GSE1: variants seen among roughly 807,000 people sequenced by gnomAD.
The protein encoded by GSE1 is genetic suppressor element 1.
GSE1 carries 32 observed loss-of-function variants against 112.6 expected under a neutral mutation model. The ratio of observed to expected loss-of-function variants is 0.28; its 90% confidence interval spans 0.21 to 0.38. The LOEUF (loss-of-function observed/expected upper bound fraction) is 0.38. Ranked by LOEUF, GSE1 falls within the 10% of genes least tolerant of loss-of-function variation. The pLI is 1.00. For synonymous variants in GSE1, 1,115 were observed against 735.6 expected (o/e 1.52, Z -8.35); for missense variants, 2,348 against 1,699.2 (o/e 1.38, Z -6.71).
In GSE1 at chr16:85,577,853, C is replaced by A. The variant is rs74870167; in HGVS notation, c.37+21490C>A. Among the ~76,000 whole-genome samples, 1,142 of 152,352 alleles carry A rather than the reference C, an allele frequency of 7.5e-3. 18 individuals carry two copies. Among genetic ancestry groups the A allele is most frequent in the African/African-American group, 0.026 (1,091 of 41,582 alleles). On this transcript the variant is annotated intron_variant, in intron 1 of 2. Coordinates refer to the GSE1 transcript ENST00000635906. ...CACTCCAGTCCTCCAGGGGCTCCAG[C>A]ATTTTGCATTTCTCAGTTGAGCTGA...
intron 2 of GSE1, among the ~76,000 whole-genome samples, chr16:85,396,525 A>G (rs1429431195): frequency 6.6e-6 from 1 of 152,122 alleles, no homozygotes; most frequent in Non-Finnish European, 1.5e-5. Flanking sequence ...CTGCCTGCCA[A>G]CACCTTCCAC....
At chr16:85,274,100 T>G (rs894223060) in intron 1 of GSE1, among the ~76,000 whole-genome samples, 1 of 151,356 alleles carries the variant, frequency 6.6e-6, no homozygotes, top group Non-Finnish European at 1.5e-5. Context: ...AATGGGCAAT[T>G]GTAGGCTGGG....
intron 2 of GSE1, among the ~76,000 whole-genome samples, chr16:85,525,973 C>A (rs949192629): frequency 6.6e-6 from 1 of 152,206 alleles, no homozygotes; most frequent in Admixed American, 6.5e-5. Flanking sequence ...TGCATTGACT[C>A]TGCCGGGGTA....
intron 14 of GSE1, among the ~76,000 whole-genome samples, chr16:85,670,217 A>G (rs1373464117): frequency 6.6e-6 from 1 of 152,244 alleles, no homozygotes; most frequent in Non-Finnish European, 1.5e-5. Context: ...CAGATGATCA[A>G]ACCTGCAAAT....
intron 1 of GSE1, among the ~76,000 whole-genome samples, chr16:85,207,508 G>T (rs1158350479): frequency 1.3e-5 from 2 of 152,222 alleles, no homozygotes; most frequent in South Asian, 4.1e-4. Flanking sequence ...CCCTGCTGGG[G>T]GTGACTGAGG....
intron 1 of GSE1, among the ~76,000 whole-genome samples, chr16:85,326,519 T>C (rs1042217189): frequency 6.6e-6 from 1 of 152,252 alleles, no homozygotes; most frequent in Admixed American, 6.5e-5. Flanking sequence ...GCCGTTCTTG[T>C]GATCATGAGT....
chr16:85,672,302 T>G (rs1292672938), intron 15 of GSE1, 103 bp from the exon 16 acceptor site: 2 of 873,144 alleles, frequency 2.3e-6, no homozygotes, highest in Middle Eastern at 2.5e-4. Flanking sequence ...GCCGGGACAT[T>G]TTCAAATGTA....
Position 85,266,794 on chromosome 16 carries a change from C to G in GSE1, c.2284-90669C>G, listed in dbSNP as rs16975445. Among the ~76,000 whole-genome samples the G allele has an allele frequency of 3.7e-3, 561 of 152,270 alleles. 3 individuals carry two copies. Among genetic ancestry groups the G allele is most frequent in the African/African-American group, 0.012 (511 of 41,552 alleles). On this transcript the variant is annotated intron_variant, in intron 1 of 2. Coordinates refer to the GSE1 transcript ENST00000637419. The stretch of plus-strand genomic sequence containing the variant: ...GGGCTCTAGTGGACTCTTGCAGGTA[C>G]TGATCTTATGTGACCTGTGTGTTGA...
chr16:85,357,116 C>A lies in GSE1; in HGVS notation c.2284-347C>A, dbSNP rs200565580. On this transcript the variant is annotated intron_variant, in intron 1 of 2. Coordinates refer to the GSE1 transcript ENST00000637419. ...GACCTTTGGGCTTAGCCTCAGGCTC[C>A]CTCTTAGATGCTTCTGGGCTCCGTG... 3.9e-5 allele frequency among the ~76,000 whole-genome samples: 6 copies of A among 152,336 alleles called. No individual in the cohort carries two copies. In the East Asian group the frequency reaches 5.8e-4, roughly 15 times the overall value.
At chr16:85,649,629 C>T (rs964883061) in intron 3 of GSE1, among the ~76,000 whole-genome samples, 1 of 143,286 alleles carries the variant, frequency 7.0e-6, no homozygotes, top group Non-Finnish European at 1.6e-5. Context: ...ACCTGCAGCT[C>T]TCCCGGCCCC....
At chr16:85,368,433 G>A (rs926890937) in intron 2 of GSE1, among the ~76,000 whole-genome samples, 3 of 152,134 alleles carry the variant, frequency 2.0e-5, no homozygotes, top group Non-Finnish European at 2.9e-5. Context: ...GACCAGGCAC[G>A]GTGGCTCCTG....
At chr16:85,637,660 C>T (rs550013653) in intron 2 of GSE1, among the ~76,000 whole-genome samples, 35 of 152,364 alleles carry the variant, frequency 2.3e-4, no homozygotes, top group African/African-American at 7.2e-4. Context: ...CCGGGTCCCA[C>T]GTTGTAAGTG....
chr16:85,674,523 C>A lies in GSE1; in HGVS notation c.*1984C>A, dbSNP rs1598747934. 1 of 152,240 alleles carries A rather than the reference C, an allele frequency of 6.6e-6. No individual in the cohort carries two copies. Among genetic ancestry groups the A allele is most frequent in the South Asian group, 2.1e-4 (1 of 4,832 alleles). The allele number at this position is 152,240 out of a possible 1,614,324, so 9.4% of individuals were successfully genotyped here. A position where few individuals can be genotyped will look rare whatever the true frequency, so the allele number is the denominator to read the frequency against. ...GGCAAAATCTCACTGGATTTCTCCA[C>A]TGAAAACCTACTTGAGGTTTCTGGT... On this transcript the variant is annotated 3_prime_UTR_variant, in exon 16 of 16. Coordinates refer to ENST00000253458, the MANE Select transcript of GSE1 (RefSeq NM_014615.5).
intron 2 of GSE1, among the ~76,000 whole-genome samples, chr16:85,501,997 C>T (rs377598635): frequency 2.0e-5 from 3 of 152,190 alleles, no homozygotes; most frequent in South Asian, 2.1e-4. Flanking sequence ...GGAGGCTCAG[C>T]CGGGGAGCCA....
chr16:85,560,003 G>A (rs1343689378), intron 1 of GSE1, among the ~76,000 whole-genome samples: 1 of 152,096 alleles, frequency 6.6e-6, no homozygotes, highest in Non-Finnish European at 1.5e-5. Flanking sequence ...GATGGTGCCT[G>A]GGATGAAGTT....
intron 13 of GSE1, among the ~76,000 whole-genome samples, chr16:85,667,471 G>A (rs572997606): frequency 2.6e-5 from 4 of 152,214 alleles, no homozygotes; most frequent in Non-Finnish European, 5.9e-5. Flanking sequence ...CTGGGGGAGG[G>A]CAGAGCCCCA....
intron 3 of GSE1, among the ~76,000 whole-genome samples, chr16:85,650,584 G>C (rs2051251384): frequency 6.6e-6 from 1 of 152,182 alleles, no homozygotes; most frequent in Non-Finnish European, 1.5e-5. Context: ...TACCGCCTCG[G>C]GAACATTGAG....
At chr16:85,460,136 A>C (rs561471236) in intron 2 of GSE1, among the ~76,000 whole-genome samples, 1 of 152,190 alleles carries the variant, frequency 6.6e-6, no homozygotes, top group South Asian at 2.1e-4. Context: ...TCCCTTGACC[A>C]GATAAACACT....
At chr16:85,460,715 C>G (rs1054880510) in intron 2 of GSE1, among the ~76,000 whole-genome samples, 1 of 151,944 alleles carries the variant, frequency 6.6e-6, no homozygotes, top group African/African-American at 2.4e-5. Context: ...GCGGAGCACC[C>G]ATGCGCAGAC....
Sources: allele counts gnomAD v4.1 joint callset (sites outside exome capture counted in the v4.1 genomes callset), GRCh38; gene constraint gnomAD v4.1.1; transcripts MANE v1.5; gene names NCBI Gene and HGNC (gene_info 2026-07-23, HGNC 2026-07-21).